Variants in TAF1A observed in about 807,000 individuals in gnomAD.
TAF1A encodes the protein TATA box-binding protein-associated factor RNA polymerase I subunit A.
A neutral mutation model predicts 61.6 loss-of-function variants in TAF1A; 42 were observed. The ratio of observed to expected loss-of-function variants is 0.68; its 90% confidence interval spans 0.53 to 0.88. The LOEUF (loss-of-function observed/expected upper bound fraction) is 0.88, where lower values mean the gene tolerates loss of function less well. Among genes scored for constraint, TAF1A ranks in the 40% least tolerant of loss-of-function variants. The probability of loss-of-function intolerance (pLI) is 0.00; values close to 1 mark genes in which losing one functional copy is unlikely to be tolerated. For missense variants in TAF1A, 424 were observed against 518.7 expected (o/e 0.82, Z 1.77); for synonymous variants, 179 against 177.7 (o/e 1.01, Z -0.06).
chr1:222,563,425 A>C, intron 8 of TAF1A, 129 bp from the exon 9 acceptor site: 1 of 1,043,974 alleles, frequency 9.6e-7, no homozygotes, highest in Non-Finnish European at 1.4e-6. Context: ...ACTGAATCAT[A>C]AGCCTTCTGG....
intron 3 of TAF1A, among the ~76,000 whole-genome samples, chr1:222,580,134 A>G (rs1408997942): frequency 1.3e-5 from 2 of 152,338 alleles, no homozygotes; most frequent in South Asian, 4.1e-4. Context: ...TAAAGAAAGT[A>G]GACAGTTAAG....
chr1:222,554,416 T>C (rs1490331400), downstream of TAF1A, among the ~76,000 whole-genome samples: 1 of 152,228 alleles, frequency 6.6e-6, no homozygotes, highest in Non-Finnish European at 1.5e-5. Flanking sequence ...TTTAGAAGCA[T>C]GAATCTTGGA....
intron 1 of TAF1A, among the ~76,000 whole-genome samples, chr1:222,589,147 C>T (rs947349798): frequency 2.0e-5 from 3 of 151,966 alleles, no homozygotes; most frequent in African/African-American, 7.3e-5. Context: ...AGGAGGGGTG[C>T]GGAAGGTGAG....
intron 7 of TAF1A, 130 bp downstream of exon 7, chr1:222,569,380 T>A (rs755963101): frequency 1.3e-6 from 2 of 1,574,488 alleles, no homozygotes; most frequent in South Asian, 2.3e-5. Flanking sequence ...CAACTTTCTC[T>A]GTTTATCTCA....
At chr1:222,561,341 TA>T in intron 10 of TAF1A, 22 bp downstream of exon 10, 1 of 1,589,608 alleles carries the variant, frequency 6.3e-7, no homozygotes, top group East Asian at 2.3e-5. Context: ...TGTGTCTAGA[TA>T]AAACGAAAAT....
intron 2 of TAF1A, among the ~76,000 whole-genome samples, chr1:222,587,325 T>G (rs978346772): frequency 2.0e-5 from 3 of 152,222 alleles, no homozygotes; most frequent in Admixed American, 1.3e-4. Flanking sequence ...TGGATTTGAC[T>G]CCTGATACCA....
intron 5 of TAF1A, among the ~76,000 whole-genome samples, chr1:222,571,014 T>C (rs1000838584): frequency 2.6e-5 from 4 of 152,156 alleles, no homozygotes; most frequent in Admixed American, 2.6e-4. Context: ...ATACATCATG[T>C]CCAAGTCGGA....
At chr1:222,579,551 G>A (rs1028821949) in intron 4 of TAF1A, among the ~76,000 whole-genome samples, 6 of 152,110 alleles carry the variant, frequency 3.9e-5, no homozygotes, top group Admixed American at 1.3e-4. Flanking sequence ...CAAAGAAAAG[G>A]AATTTTTAGT....
intron 5 of TAF1A, among the ~76,000 whole-genome samples, chr1:222,576,148 T>C (rs923684498): frequency 2.0e-5 from 3 of 152,120 alleles, no homozygotes; most frequent in Admixed American, 6.6e-5. Flanking sequence ...AGGCTGAACA[T>C]GCAGCTGATA....
At chr1:222,557,153 C>T (rs74148132), downstream of TAF1A, among the ~76,000 whole-genome samples, 50,618 of 152,006 alleles carry the variant, frequency 0.33, 8,884 homozygotes, top group Admixed American at 0.45. Flanking sequence ...GTGTGTCTCG[C>T]CATCTAAATA....
chr1:222,589,874 G>A lies in TAF1A; in HGVS notation c.-150C>T, dbSNP rs1376634236. On this transcript the variant is annotated 5_prime_UTR_variant, in exon 1 of 11. Transcript: ENST00000352967. The stretch of plus-strand genomic sequence containing the variant: ...TAGGTATTTAGGCAGCGCGCGGCCC[G>A]GCTCGTAACTCCTCCTGCTGCAGCA... 2.5e-6 allele frequency: 1 copy of A among 395,502 alleles called. No individual in the cohort carries two copies. The highest frequency in any genetic ancestry group is 4.4e-6 in the Non-Finnish European group (1 of 224,768). The allele number at this position is 395,502 out of a possible 1,614,324, so 24.5% of individuals were successfully genotyped here. A position where few individuals can be genotyped will look rare whatever the true frequency, so the allele number is the denominator to read the frequency against.
At chr1:222,585,204 C>T (rs529918938) in intron 2 of TAF1A, among the ~76,000 whole-genome samples, 7 of 152,192 alleles carry the variant, frequency 4.6e-5, no homozygotes, top group South Asian at 2.1e-4. Context: ...TGCAGAACAA[C>T]GTAATTTTTT....
At chr1:222,575,434 G>A (rs1322116226) in intron 5 of TAF1A, among the ~76,000 whole-genome samples, 2 of 152,096 alleles carry the variant, frequency 1.3e-5, no homozygotes, top group African/African-American at 4.8e-5. Context: ...CTTGAGCCCA[G>A]GAGGTCGAGG....
intron 4 of TAF1A, 40 bp downstream of exon 4, chr1:222,579,719 G>A (rs76696378): frequency 2.5e-6 from 4 of 1,572,562 alleles, no homozygotes; most frequent in African/African-American, 1.4e-5. Context: ...AAAAAAAAAA[G>A]AATACTGCAA....
chr1:222,555,787 A>G (rs886231590), downstream of TAF1A, among the ~76,000 whole-genome samples: 25 of 152,226 alleles, frequency 1.6e-4, no homozygotes, highest in Admixed American at 1.6e-3. Context: ...GATTATAGTG[A>G]TAATTTCAGA....
At chr1:222,566,388 G>A (rs1213958048) in intron 7 of TAF1A, among the ~76,000 whole-genome samples, 1 of 151,902 alleles carries the variant, frequency 6.6e-6, no homozygotes, top group African/African-American at 2.4e-5. Context: ...GATGGTTTCG[G>A]GATTGCATTA....
intron 4 of TAF1A, 73 bp downstream of exon 4, chr1:222,579,686 T>C: frequency 1.3e-6 from 2 of 1,551,804 alleles, no homozygotes; most frequent in Non-Finnish European, 1.7e-6. Flanking sequence ...GTTAACTACC[T>C]TATCACTGAC....
chr1:222,570,165 G>C (rs763481528), intron 6 of TAF1A, among the ~76,000 whole-genome samples: 4 of 152,126 alleles, frequency 2.6e-5, no homozygotes, highest in Admixed American at 6.5e-5. Flanking sequence ...ACATTCTTAT[G>C]AACTTCCAAA....
At chr1:222,563,364 A>C in intron 8 of TAF1A, 68 bp from the exon 9 acceptor site, 1 of 1,507,770 alleles carries the variant, frequency 6.6e-7, no homozygotes, top group Admixed American at 2.1e-5. Flanking sequence ...ATTTACATGT[A>C]TACATTTTAT....
Sources: gnomAD v4.1 joint callset for allele counts (sites outside exome capture counted in the v4.1 genomes callset) on GRCh38, gnomAD v4.1.1 for gene constraint, MANE v1.5 for transcripts, NCBI Gene and HGNC (gene_info 2026-07-23, HGNC 2026-07-21) for gene names.